Variants in HS3ST3B1 observed in about 807,000 individuals in gnomAD.
HS3ST3B1 encodes the protein heparan sulfate-glucosamine 3-sulfotransferase 3B1, also known as heparan sulfate glucosamine 3-O-sulfotransferase 3B1.
In HS3ST3B1, 13 loss-of-function variants were observed where a neutral mutation model predicts 21.3. That is an observed-to-expected ratio of 0.61 (90% CI 0.40 to 0.97). The LOEUF is 0.97. Among genes scored for constraint, HS3ST3B1 ranks in the 50% least tolerant of loss-of-function variants. The probability of loss-of-function intolerance (pLI) is 0.00; values close to 1 mark genes in which losing one functional copy is unlikely to be tolerated. For missense variants in HS3ST3B1, 459 were observed against 554.8 expected (o/e 0.83, Z 1.73); for synonymous variants, 234 against 254.8 (o/e 0.92, Z 0.78).
intron 1 of HS3ST3B1, among the ~76,000 whole-genome samples, chr17:14,344,264 G>A (rs9898199): frequency 0.015 from 2,257 of 152,238 alleles, 71 homozygotes; most frequent in African/African-American, 0.051. Context: ...TTAGATTCAG[G>A]GGATGCATGT....
At position 14,303,794 on chromosome 17, in the gene HS3ST3B1, G is replaced by C. The variant is rs914042073; in HGVS notation, c.554+1722G>C. On this transcript the variant is annotated intron_variant, in intron 1 of 1. Coordinates refer to ENST00000360954, the MANE Select transcript of HS3ST3B1 (RefSeq NM_006041.3). This position sits in a 1 kb window ranked among gnomAD's most constrained non-coding sequence, Gnocchi z 5.7. The stretch of plus-strand genomic sequence containing the variant: ...TGGTGATTCCAGGGCCAGGCGGCAG[G>C]CTATAACTAGCGCCCTTCCAGGTGG... 1 of 152,332 alleles carries C rather than the reference G, an allele frequency of 6.6e-6. No individual in the cohort carries two copies. The highest frequency in any genetic ancestry group is 1.5e-5 in the Non-Finnish European group (1 of 68,160). 9.4% of individuals were successfully genotyped at this position (152,332 alleles called of 1,614,324 possible). A position where few individuals can be genotyped will look rare whatever the true frequency, so the allele number is the denominator to read the frequency against.
At chr17:14,321,456 G>A (rs1443600751) in intron 1 of HS3ST3B1, among the ~76,000 whole-genome samples, 5 of 152,200 alleles carry the variant, frequency 3.3e-5, no homozygotes, top group Non-Finnish European at 7.3e-5. Flanking sequence ...TTTAGGATCA[G>A]CTCTCTTTTC....
Position 14,346,313 on chromosome 17 carries a change from T to C in HS3ST3B1, c.*667T>C, listed in dbSNP as rs1435340157. ...TGTTGCCCAGGCTGGGGCGTAATGG[T>C]GTGATATATGCTTACCACAACCTCT... On this transcript the variant is annotated 3_prime_UTR_variant, in exon 2 of 2. Coordinates refer to ENST00000360954, the MANE Select transcript of HS3ST3B1 (RefSeq NM_006041.3). 2.2e-5 allele frequency: 3 copies of C among 136,862 alleles called. No homozygotes were observed. Among genetic ancestry groups the C allele is most frequent in the Non-Finnish European group, 4.5e-5 (3 of 66,176 alleles). 8.5% of individuals were successfully genotyped at this position (136,862 alleles called of 1,614,324 possible). A position where few individuals can be genotyped will look rare whatever the true frequency, so the allele number is the denominator to read the frequency against.
At position 14,336,066 on chromosome 17, in the gene HS3ST3B1, C is replaced by T. The variant is rs144414273; in HGVS notation, c.555-8962C>T. On this transcript the variant is annotated intron_variant, in intron 1 of 1. Coordinates refer to ENST00000360954, the MANE Select transcript of HS3ST3B1 (RefSeq NM_006041.3). The stretch of plus-strand genomic sequence containing the variant: ...CTAAACAAGGAAGTCATTTTCCTAA[C>T]GGGCCAGGAGAAGTGGGTGGGGTGA... Among the ~76,000 whole-genome samples the T allele has an allele frequency of 5.9e-5, 9 of 152,248 alleles. No individual in the cohort carries two copies. The East Asian group carries it at 7.7e-4, about 13-fold the overall frequency.
chr17:14,342,469 A>G (rs942989635), intron 1 of HS3ST3B1, among the ~76,000 whole-genome samples: 2 of 152,154 alleles, frequency 1.3e-5, no homozygotes, highest in South Asian at 2.1e-4. Context: ...GTGTATACAA[A>G]CTAGCGCTTA....
chr17:14,309,957 C>A (rs771520223), intron 1 of HS3ST3B1, among the ~76,000 whole-genome samples: 1 of 152,178 alleles, frequency 6.6e-6, no homozygotes, highest in African/African-American at 2.4e-5. Flanking sequence ...CAATTTGCAA[C>A]GAGCACGTTT....
In HS3ST3B1 at chr17:14,335,693, C is replaced by CA. The variant is rs577734801; in HGVS notation, c.555-9323dup. 5.4e-3 allele frequency among the ~76,000 whole-genome samples: 733 copies of CA among 135,310 alleles called. 8 individuals carry two copies. The highest frequency in any genetic ancestry group is 0.017 in the African/African-American group (617 of 36,822). The allele number at this position is 135,310 out of a possible 152,430, so 88.8% of individuals were successfully genotyped here. ...AGGGCAACAGAGCAAGACTCTGTCTCAAAAAAAAAAAAGGAAAAAAAATTT... is the reference window on the plus strand; with the variant it reads ...AGGGCAACAGAGCAAGACTCTGTCTCAAAAAAAAAAAAAGGAAAAAAAATTT... On this transcript the variant is annotated intron_variant, in intron 1 of 1. Transcript: ENST00000360954.
At chr17:14,340,198 C>T (rs1910329341) in intron 1 of HS3ST3B1, among the ~76,000 whole-genome samples, 1 of 152,132 alleles carries the variant, frequency 6.6e-6, no homozygotes, top group Admixed American at 6.5e-5. Context: ...TGTGCACTTC[C>T]TTGTAAAACC....
At chr17:14,312,129 T>C (rs76000899) in intron 1 of HS3ST3B1, among the ~76,000 whole-genome samples, 7,961 of 152,196 alleles carry the variant, frequency 0.052, 241 homozygotes, top group South Asian at 0.092. Context: ...AGCCTCCGTA[T>C]GCAAGAACTT....
At chr17:14,344,036 C>G (rs1303760532) in intron 1 of HS3ST3B1, among the ~76,000 whole-genome samples, 1 of 151,930 alleles carries the variant, frequency 6.6e-6, no homozygotes, top group Non-Finnish European at 1.5e-5. Context: ...AGCTGGGATT[C>G]CAGACATGCA....
chr17:14,324,516 G>A (rs1318502806), intron 1 of HS3ST3B1, among the ~76,000 whole-genome samples: 1 of 152,100 alleles, frequency 6.6e-6, no homozygotes, highest in African/African-American at 2.4e-5. Context: ...TTCCTGAGTA[G>A]CAAAATGTTT....
intron 1 of HS3ST3B1, among the ~76,000 whole-genome samples, chr17:14,334,476 C>T (rs1173011006): frequency 5.9e-5 from 9 of 152,066 alleles, no homozygotes; most frequent in African/African-American, 1.7e-4. Context: ...CTCAGGGCCT[C>T]TGAGGAACTG....
intron 1 of HS3ST3B1, among the ~76,000 whole-genome samples, chr17:14,302,495 G>C (rs886864): frequency 0.78 from 118,063 of 152,096 alleles, 45,960 homozygotes; most frequent in African/African-American, 0.8. Flanking sequence ...CCGCCCTCAA[G>C]GAACTTCTAG....
intron 1 of HS3ST3B1, among the ~76,000 whole-genome samples, chr17:14,317,883 T>C (rs1351249152): frequency 1.3e-5 from 2 of 150,706 alleles, no homozygotes; most frequent in Non-Finnish European, 2.9e-5. Context: ...TCAGGGAAAA[T>C]TTAAAAATTT....
chr17:14,306,495 A>C (rs1388058681), intron 1 of HS3ST3B1, among the ~76,000 whole-genome samples: 1 of 152,254 alleles, frequency 6.6e-6, no homozygotes, highest in Non-Finnish European at 1.5e-5. Context: ...GTACTGATTA[A>C]CCAGCAGACA....
intron 1 of HS3ST3B1, among the ~76,000 whole-genome samples, chr17:14,310,284 C>G (rs983659369): frequency 3.3e-5 from 5 of 152,124 alleles, no homozygotes; most frequent in African/African-American, 4.8e-5. Flanking sequence ...ACGCCAGGCT[C>G]GTCCTCCTAA....
At position 14,301,670 on chromosome 17, in the gene HS3ST3B1, G is replaced by T; in HGVS notation, c.152G>T (p.Cys51Phe). Residue 51 changes from cysteine to phenylalanine, a missense_variant, in exon 1 of 2, where the codon TGC (cysteine) becomes TTC (phenylalanine). Around this residue, in one of 3 missense-constraint regions of HS3ST3B1, gnomAD observed 317 missense variants for 278.6 expected, o/e 1.14. Transcript: ENST00000360954. Reference sequence around the variant, plus strand: ...TGGCTCTATATGTTCCTGTACTCGTGCGCCGGCTCCTGCGCCGCCGCGCCG... The same window carrying T: ...TGGCTCTATATGTTCCTGTACTCGTTCGCCGGCTCCTGCGCCGCCGCGCCG... ...CVWLYMFLYSCAGSCAAAPGL... is the reference protein window; with the variant it reads ...CVWLYMFLYSFAGSCAAAPGL... The T allele has an allele frequency of 6.2e-7, 1 of 1,602,866 alleles. No homozygotes were observed.
At chr17:14,343,808 G>A (rs778673510) in intron 1 of HS3ST3B1, among the ~76,000 whole-genome samples, 13 of 152,052 alleles carry the variant, frequency 8.5e-5, no homozygotes, top group Non-Finnish European at 8.8e-5. Flanking sequence ...ATAGGAAAAT[G>A]CAGATATCTC....
At position 14,345,574 on chromosome 17, in the gene HS3ST3B1, G is replaced by T. The variant is rs1213239686; in HGVS notation, c.1101G>T (p.Arg367Ser). ...HPEIDREVVR[R>S]LREFYRPFNL... ...AGATCGACCGCGAGGTGGTGCGCAG[G>T]CTGCGCGAGTTCTACCGGCCTTTCA... Residue 367 changes from arginine (R) to serine (S), a missense_variant, in exon 2 of 2, where the codon AGG becomes AGT. Transcript: ENST00000360954. The T allele has an allele frequency of 6.3e-7, 1 of 1,585,228 alleles. No homozygotes were observed. Among genetic ancestry groups the T allele is most frequent in the Non-Finnish European group, 8.6e-7 (1 of 1,165,976 alleles).
Sources: gnomAD v4.1 joint callset for allele counts (sites outside exome capture counted in the v4.1 genomes callset) on GRCh38, gnomAD v4.1.1 for gene constraint, gnomAD v4.1.1 regional missense constraint, Gnocchi (gnomAD v3.1) non-coding constraint, MANE v1.5 for transcripts, NCBI Gene and HGNC (gene_info 2026-07-23, HGNC 2026-07-21) for gene names.